The following DCP1B variants were observed in gnomAD, a reference collection of about 807,000 sequenced individuals.
DCP1B encodes the protein decapping mRNA 1B.
A neutral mutation model predicts 60.5 loss-of-function variants in DCP1B; 47 were observed. The observed-to-expected ratio is 0.78, with a 90% CI of 0.61 to 0.99. The LOEUF (loss-of-function observed/expected upper bound fraction) is 0.99, where lower values mean the gene tolerates loss of function less well. Among genes scored for constraint, DCP1B ranks in the 50% least tolerant of loss-of-function variants. The probability of loss-of-function intolerance (pLI) is 0.00; values close to 1 mark genes in which losing one functional copy is unlikely to be tolerated. For synonymous variants in DCP1B, 267 were observed against 280.3 expected (o/e 0.95, Z 0.47); for missense variants, 725 against 756.8 (o/e 0.96, Z 0.49).
intron 3 of DCP1B, among the ~76,000 whole-genome samples, chr12:1,978,141 T>C (rs1305742840): frequency 6.6e-6 from 1 of 152,194 alleles, no homozygotes; most frequent in East Asian, 1.9e-4. Flanking sequence ...CTTGCTTCTC[T>C]GACCATGGGG....
chr12:1,989,973 C>T (rs1300545948), intron 3 of DCP1B, among the ~76,000 whole-genome samples: 1 of 152,268 alleles, frequency 6.6e-6, no homozygotes. Context: ...AAAAAACTTG[C>T]TTTTTAAACC....
rs1459374386 is a variant in DCP1B, at chr12:1,971,587, A to C, written c.320-3677T>G. Among the ~76,000 whole-genome samples the C allele has an allele frequency of 1.3e-5, 2 of 152,234 alleles. No homozygotes were observed. The highest frequency in any genetic ancestry group is 2.9e-5 in the Non-Finnish European group (2 of 68,032). On this transcript the variant is annotated intron_variant, in intron 3 of 8. Coordinates refer to ENST00000280665, the MANE Select transcript of DCP1B (RefSeq NM_152640.5). This position sits in a 1 kb window ranked among gnomAD's most constrained non-coding sequence, Gnocchi z 4.2. ...GGCAGAGAGCAAGCTGATTATATTCAGTAGTGGTATTTTCTTTTTAAATTT... is the reference window on the plus strand; with the variant it reads ...GGCAGAGAGCAAGCTGATTATATTCCGTAGTGGTATTTTCTTTTTAAATTT...
chr12:1,977,202 A>G (rs1017546994), intron 3 of DCP1B, among the ~76,000 whole-genome samples: 1 of 152,184 alleles, frequency 6.6e-6, no homozygotes, highest in Non-Finnish European at 1.5e-5. Context: ...AAGAGCTTTT[A>G]TTCCTCCATG....
chr12:1,982,207 CT>C (rs1398123551), intron 3 of DCP1B, among the ~76,000 whole-genome samples: 1 of 151,962 alleles, frequency 6.6e-6, no homozygotes, highest in African/African-American at 2.4e-5. Context: ...GTATTTTTTC[CT>C]TTTTTATTGT....
At chr12:1,985,693 TGAAACCCTCCA>T (rs1425347648) in intron 3 of DCP1B, among the ~76,000 whole-genome samples, 2 of 152,244 alleles carry the variant, frequency 1.3e-5, no homozygotes, top group Non-Finnish European at 2.9e-5. Context: ...AGAGTCCTCT[TGAAACCCTCCA>T]GAGAATGTTC....
intron 5 of DCP1B, among the ~76,000 whole-genome samples, chr12:1,960,518 A>G (rs868106654): frequency 6.6e-6 from 1 of 152,222 alleles, no homozygotes; most frequent in Middle Eastern, 3.2e-3. Flanking sequence ...AAAGTTGCTA[A>G]AAGAGTAGAT....
intron 5 of DCP1B, among the ~76,000 whole-genome samples, chr12:1,961,669 T>C (rs1403971154): frequency 2.0e-5 from 3 of 152,128 alleles, no homozygotes; most frequent in African/African-American, 7.2e-5. Flanking sequence ...TAAATAGTAA[T>C]AGACTGAGTT....
intron 5 of DCP1B, 21 bp from the exon 6 acceptor site, chr12:1,955,581 C>A (rs113460897): frequency 0.035 from 56,379 of 1,599,370 alleles, 1,187 homozygotes; most frequent in Middle Eastern, 0.075. Flanking sequence ...AAAGAAAATC[C>A]CCTCATTTTT....
At chr12:1,973,857 A>C (rs986820171) in intron 3 of DCP1B, among the ~76,000 whole-genome samples, 6 of 152,108 alleles carry the variant, frequency 3.9e-5, no homozygotes, top group Non-Finnish European at 8.8e-5. Context: ...AAATTTCAAA[A>C]TCTCCTTGGC....
intron 3 of DCP1B, among the ~76,000 whole-genome samples, chr12:1,984,262 C>A: frequency 6.6e-6 from 1 of 151,910 alleles, no homozygotes; most frequent in East Asian, 1.9e-4. Flanking sequence ...GGTAGGTCTA[C>A]CGTTTTATTT....
Position 1,971,979 on chromosome 12 carries a change from T to A in DCP1B, c.320-4069A>T, listed in dbSNP as rs1447538277. 2.0e-5 allele frequency among the ~76,000 whole-genome samples: 3 copies of A among 152,266 alleles called. No individual in the cohort carries two copies. The highest frequency in any genetic ancestry group is 1.3e-4 in the Admixed American group (2 of 15,284). On this transcript the variant is annotated intron_variant, in intron 3 of 8. Transcript: ENST00000280665. This position sits in a 1 kb window ranked among gnomAD's most constrained non-coding sequence, Gnocchi z 4.2. ...TATATCCATTCAATTAGGAAGTGGA[T>A]GATAAACACATAATTACATGGGTAA...
chr12:1,949,258 G>A lies in DCP1B; in HGVS notation c.1601C>T (p.Thr534Ile). 1.2e-6 allele frequency: 2 copies of A among 1,614,182 alleles called. No homozygotes were observed. The highest frequency in any genetic ancestry group is 1.7e-6 in the Non-Finnish European group (2 of 1,180,046). The stretch of plus-strand genomic sequence containing the variant: ...CTCCCTTTCCTTTGGCGGGACGGAG[G>A]TGGGTTGTGCGAACACCATGGGGGA... ...LMSPMVFAQP[T>I]SVPPKERESG... is the part of the protein sequence containing the mutation. The change falls in exon 8 of 9, where the codon ACC (threonine) becomes ATC (isoleucine). Residue 534 changes from threonine (T) to isoleucine (I), a missense_variant. Coordinates refer to ENST00000280665, the MANE Select transcript of DCP1B (RefSeq NM_152640.5).
intron 6 of DCP1B, among the ~76,000 whole-genome samples, chr12:1,953,524 C>T (rs891034182): frequency 1.3e-5 from 2 of 152,038 alleles, no homozygotes; most frequent in South Asian, 2.1e-4. Flanking sequence ...ATCTGTTGAC[C>T]GATAAAACAG....
intron 5 of DCP1B, among the ~76,000 whole-genome samples, chr12:1,960,887 C>A (rs1322134745): frequency 1.3e-5 from 2 of 152,184 alleles, no homozygotes; most frequent in African/African-American, 4.8e-5. Flanking sequence ...TTTTCCTTCT[C>A]TCTCGCTACC....
intron 3 of DCP1B, among the ~76,000 whole-genome samples, chr12:1,978,856 A>C (rs537437409): frequency 1.3e-5 from 2 of 152,348 alleles, no homozygotes; most frequent in African/African-American, 4.8e-5. Context: ...ATGTTGTTGA[A>C]TATATCAGTA....
chr12:1,964,252 A>G (rs1265405560), intron 5 of DCP1B, among the ~76,000 whole-genome samples: 1 of 152,012 alleles, frequency 6.6e-6, no homozygotes, highest in Non-Finnish European at 1.5e-5. Context: ...TAGTTTCCAA[A>G]TTCTATAATT....
chr12:1,991,982 C>CA (rs1254905301), intron 3 of DCP1B: 46 of 220,288 alleles, frequency 2.1e-4, no homozygotes, highest in Middle Eastern at 1.8e-3. Flanking sequence ...CTAATAATCT[C>CA]AAAAAAAACC....
At chr12:1,950,430 C>T (rs1039371263) in intron 7 of DCP1B, 2 of 701,820 alleles carry the variant, frequency 2.8e-6, no homozygotes, top group African/African-American at 1.7e-5. Flanking sequence ...CTATATTCAT[C>T]GCATGCTTCT....
chr12:1,946,369 G>C lies in DCP1B; in HGVS notation c.1774-83C>G. On this transcript the variant is annotated intron_variant, in intron 8 of 8. Transcript: ENST00000280665. ...CTTCCTCTGTCTTAGAGCTGAACTG[G>C]CCTTTGGATACTGAGACACTCATCT... is the stretch of plus-strand genomic sequence containing the variant. The C allele has an allele frequency of 3.9e-6, 4 of 1,038,442 alleles. No homozygotes were observed. The Admixed American group carries it at 1.2e-4, about 31-fold the overall frequency. 64.3% of individuals were successfully genotyped at this position (1,038,442 alleles called of 1,614,324 possible).
Sources: gnomAD v4.1 joint callset for allele counts (sites outside exome capture counted in the v4.1 genomes callset) on GRCh38, gnomAD v4.1.1 for gene constraint, Gnocchi (gnomAD v3.1) non-coding constraint, MANE v1.5 for transcripts, NCBI Gene and HGNC (gene_info 2026-07-23, HGNC 2026-07-21) for gene names.